CD46: variants seen among roughly 807,000 people sequenced by gnomAD.
CD46 encodes CD46 molecule, also known as membrane cofactor protein.
A neutral mutation model predicts 53.3 loss-of-function variants in CD46; 30 were observed. The ratio of observed to expected loss-of-function variants is 0.56; its 90% CI spans 0.42 to 0.76. The LOEUF (loss-of-function observed/expected upper bound fraction) is 0.76. Ranked by LOEUF, CD46 falls within the 30% of genes least tolerant of loss-of-function variation. The pLI, the probability that CD46 is intolerant of heterozygous loss-of-function variation, is 0.00. For missense variants in CD46, 409 were observed against 463.0 expected, an observed-to-expected ratio of 0.88 and a Z score of 1.07; for synonymous variants, 142 against 152.0, an observed-to-expected ratio of 0.93 and a Z score of 0.48.
intron 3 of CD46, among the ~76,000 whole-genome samples, chr1:207,758,053 G>A (rs1040498697): frequency 7.9e-5 from 12 of 152,166 alleles, no homozygotes; most frequent in African/African-American, 2.9e-4. Flanking sequence ...CAAAACTGAC[G>A]CGGTTAGCCT....
intron 8 of CD46, 99 bp downstream of exon 8, chr1:207,770,461 T>A (rs1657378893): frequency 1.2e-6 from 1 of 852,966 alleles, no homozygotes; most frequent in Non-Finnish European, 2.0e-6. Flanking sequence ...CGTGCAGGTT[T>A]GTTACATAGG....
At chr1:207,771,416 C>G (rs1005204126) in intron 8 of CD46, among the ~76,000 whole-genome samples, 11 of 152,072 alleles carry the variant, frequency 7.2e-5, no homozygotes, top group Admixed American at 6.5e-5. Context: ...TCCCATTTGT[C>G]TATTTTGGCT....
At chr1:207,766,918 T>C (rs1457335028) in intron 5 of CD46, 95 bp from the exon 6 acceptor site, 2 of 939,978 alleles carry the variant, frequency 2.1e-6, no homozygotes, top group Non-Finnish European at 3.4e-6. Flanking sequence ...TGCATTCCAT[T>C]CCTTGTCTCT....
At chr1:207,788,936 A>G (rs1271271646) in intron 11 of CD46, among the ~76,000 whole-genome samples, 1 of 152,246 alleles carries the variant, frequency 6.6e-6, no homozygotes, top group African/African-American at 2.4e-5. Flanking sequence ...AGAACAGTAT[A>G]GGATACCAGT....
chr1:207,782,598 C>T (rs1178852041), intron 8 of CD46, among the ~76,000 whole-genome samples: 1 of 148,524 alleles, frequency 6.7e-6, no homozygotes, highest in East Asian at 2.0e-4. Context: ...AGTTTCCTTC[C>T]ATTTCAGGTC....
chr1:207,758,820 A>T (rs1655862410), intron 3 of CD46, among the ~76,000 whole-genome samples: 1 of 152,228 alleles, frequency 6.6e-6, no homozygotes, highest in Admixed American at 6.5e-5. Flanking sequence ...ACCGAGGGAT[A>T]CCAAAACTTT....
chr1:207,765,783 C>T lies in CD46; in HGVS notation c.674-1230C>T, dbSNP rs569795904. Among the ~76,000 whole-genome samples the T allele has an allele frequency of 3.3e-4, 50 of 152,282 alleles. 1 individual carries two copies. Among genetic ancestry groups the T allele is most frequent in the Non-Finnish European group, 3.1e-4 (21 of 68,004 alleles). Reference sequence around the variant, plus strand: ...TTTTGGCATTTCTTATAAAGTTAAACATACTCTTATCATACAACTCGGCAA... The same window carrying T: ...TTTTGGCATTTCTTATAAAGTTAAATATACTCTTATCATACAACTCGGCAA... On this transcript the variant is annotated intron_variant, in intron 5 of 12. Coordinates refer to ENST00000367042, the MANE Select transcript of CD46 (RefSeq NM_172351.3).
intron 1 of CD46, among the ~76,000 whole-genome samples, chr1:207,755,277 A>G (rs1002730082): frequency 1.3e-5 from 2 of 152,248 alleles, no homozygotes; most frequent in Non-Finnish European, 2.9e-5. Flanking sequence ...GAATGAAGAG[A>G]AGGAAAAGCA....
Position 207,759,953 on chromosome 1 carries a change from C to T in CD46, c.475+229C>T, listed in dbSNP as rs141705451. ...CCTAAGACACGGTCTCAGGCTATTT[C>T]CCAGGCTGGGGTGCAGTGGCACAAT... On this transcript the variant is annotated intron_variant, in intron 4 of 12. Coordinates refer to ENST00000367042, the MANE Select transcript of CD46 (RefSeq NM_172351.3). The T allele has an allele frequency of 1.6e-3, 622 of 385,822 alleles. 4 individuals carry two copies. Among genetic ancestry groups the T allele is most frequent in the African/African-American group, 0.015 (565 of 38,060 alleles). 23.9% of individuals were successfully genotyped at this position (385,822 alleles called of 1,614,324 possible). A position where few individuals can be genotyped will look rare whatever the true frequency, so the allele number is the denominator to read the frequency against.
chr1:207,785,194 T>C, intron 10 of CD46, 88 bp downstream of exon 10: 1 of 1,073,060 alleles, frequency 9.3e-7, no homozygotes, highest in Non-Finnish European at 1.4e-6. Context: ...TTTCTATAGT[T>C]TTTTCAGCTT....
intron 12 of CD46, 77 bp downstream of exon 12, chr1:207,790,422 C>A: frequency 1.3e-6 from 1 of 749,614 alleles, no homozygotes; most frequent in Non-Finnish European, 2.3e-6. Flanking sequence ...ATATCAATAA[C>A]CTGAGCAAAG....
chr1:207,785,518 G>T, intron 10 of CD46, 101 bp from the exon 11 acceptor site: 2 of 863,986 alleles, frequency 2.3e-6, no homozygotes, highest in South Asian at 1.3e-5. Context: ...AATAACATTT[G>T]ACCACTGAAA....
chr1:207,783,222 G>T, intron 8 of CD46, 70 bp from the exon 9 acceptor site: 1 of 857,570 alleles, frequency 1.2e-6, no homozygotes, highest in East Asian at 2.7e-5. Context: ...GAGTTTAAAG[G>T]ATTTTAAGCT....
chr1:207,786,515 T>G (rs1349518334), intron 11 of CD46, among the ~76,000 whole-genome samples: 1 of 152,214 alleles, frequency 6.6e-6, no homozygotes, highest in Non-Finnish European at 1.5e-5. Flanking sequence ...AGACTAAGAT[T>G]AGGTGCTTTG....
Position 207,767,173 on chromosome 1 carries a change from C to T in CD46, c.834C>T (p.Pro278=). The change falls in exon 6 of 13, where the codon CCC becomes CCT. Residue 278 remains proline (P), a synonymous_variant. Transcript: ENST00000367042. ...IVCDSNSTWD[P]PVPKCLKVST... is the part of the protein sequence containing the mutation. Reference sequence around the variant, plus strand: ...GTGACAGTAACAGTACTTGGGATCCCCCAGTTCCAAAGTGTCTTAAAGGTA... The same window carrying T: ...GTGACAGTAACAGTACTTGGGATCCTCCAGTTCCAAAGTGTCTTAAAGGTA... The T allele has an allele frequency of 6.2e-7, 1 of 1,613,770 alleles. No individual in the cohort carries two copies.
intron 7 of CD46, chr1:207,768,905 C>T (rs1657143989): frequency 6.6e-6 from 1 of 152,160 alleles, no homozygotes; most frequent in Non-Finnish European, 1.5e-5. Context: ...TATATATTTC[C>T]TATCTCCCTA....
At chr1:207,774,290 T>A (rs191841116) in intron 8 of CD46, among the ~76,000 whole-genome samples, 1 of 152,312 alleles carries the variant, frequency 6.6e-6, no homozygotes, top group Admixed American at 6.5e-5. Flanking sequence ...GCATGTGAGA[T>A]AGGTCTCCTG....
In CD46 at chr1:207,752,380, G is replaced by T; in HGVS notation, c.97+71G>T. On this transcript the variant is annotated intron_variant, in intron 1 of 12. Transcript: ENST00000367042. The surrounding 1 kb of genome is among the most constrained non-coding windows in gnomAD (Gnocchi z 4.1). ...TCTCCTCAGTCGGGCAAGAGTCGCG[G>T]GGCGGGGCTCACAGCAGGCCGTGCC... 1 of 1,428,718 alleles carries T rather than the reference G, an allele frequency of 7.0e-7. No individual in the cohort carries two copies. The highest frequency in any genetic ancestry group is 1.1e-5 in the South Asian group (1 of 87,410). The allele number at this position is 1,428,718 out of a possible 1,614,324, so 88.5% of individuals were successfully genotyped here.
chr1:207,756,485 A>C (rs991167675), intron 1 of CD46, among the ~76,000 whole-genome samples: 1 of 152,232 alleles, frequency 6.6e-6, no homozygotes, highest in African/African-American at 2.4e-5. Context: ...ATTTGCAGAT[A>C]GAGTTTGTCA....
Sources: allele counts gnomAD v4.1 joint callset (sites outside exome capture counted in the v4.1 genomes callset), GRCh38; gene constraint gnomAD v4.1.1; non-coding constraint Gnocchi (gnomAD v3.1); transcripts MANE v1.5; gene names NCBI Gene and HGNC (gene_info 2026-07-23, HGNC 2026-07-21).